The following ANKRD36 variants were observed in gnomAD, a reference collection of about 807,000 sequenced individuals.
ANKRD36 encodes the protein ankyrin repeat domain-containing protein 36A.
In ANKRD36, 179 loss-of-function variants were observed where a neutral mutation model predicts 278.1. The ratio of observed to expected loss-of-function variants is 0.64; its 90% CI spans 0.57 to 0.73. The LOEUF (loss-of-function observed/expected upper bound fraction) is 0.73. ANKRD36 is among the 30% of genes least tolerant of loss of function. The pLI, the probability that ANKRD36 is intolerant of heterozygous loss-of-function variation, is 0.00. For missense variants in ANKRD36, 1,159 were observed against 1,956.7 expected, an observed-to-expected ratio of 0.59 and a Z score of 7.69; for synonymous variants, 320 against 641.1, an observed-to-expected ratio of 0.50 and a Z score of 7.57.
chr2:97,177,027 C>G (rs1266871130), intron 22 of ANKRD36, among the ~76,000 whole-genome samples: 1 of 151,562 alleles, frequency 6.6e-6, no homozygotes, highest in Non-Finnish European at 1.5e-5. Context: ...TTCTTATACA[C>G]CAACAACAGA....
chr2:97,192,790 T>G (rs1229381430), intron 36 of ANKRD36, 68 bp from the exon 37 acceptor site: 2 of 1,535,414 alleles, frequency 1.3e-6, no homozygotes, highest in Non-Finnish European at 1.8e-6. Flanking sequence ...ATACAAACAC[T>G]TCATGAATGT....
intron 58 of ANKRD36, 122 bp downstream of exon 58, chr2:97,211,863 A>T (rs1192894779): frequency 2.4e-6 from 3 of 1,267,760 alleles, no homozygotes; most frequent in African/African-American, 1.5e-5. Flanking sequence ...TCCTGAGATT[A>T]TTCATTTGTA....
At chr2:97,194,799 C>A in intron 39 of ANKRD36, 45 bp downstream of exon 39, 1 of 1,603,130 alleles carries the variant, frequency 6.2e-7, no homozygotes, top group Non-Finnish European at 8.5e-7. Context: ...AACGTATAGC[C>A]TATGAAACAT....
At position 97,122,886 on chromosome 2, in the gene ANKRD36, G is replaced by A. The variant is rs2153413618; in HGVS notation, c.487-1G>A. On this transcript the variant is annotated splice_acceptor_variant, in intron 3 of 75. Transcript: ENST00000420699. LOFTEE classifies it high-confidence loss of function. The stretch of plus-strand genomic sequence containing the variant: ...TATAAATTGTTGCTGTTATTTTACA[G>A]TGTGAATATCAGCCACTGTTATTTG... 6.5e-7 allele frequency: 1 copy of A among 1,537,252 alleles called. No individual in the cohort carries two copies. Among genetic ancestry groups the A allele is most frequent in the East Asian group, 2.5e-5 (1 of 40,456 alleles).
intron 36 of ANKRD36, among the ~76,000 whole-genome samples, chr2:97,192,042 TTAAG>T (rs899633067): frequency 6.6e-6 from 1 of 151,754 alleles, no homozygotes; most frequent in Admixed American, 6.6e-5. Context: ...TGGATTCTAA[TTAAG>T]TCCTAGAGTG....
In ANKRD36 at chr2:97,122,920, C is replaced by T. The variant is rs192445907; in HGVS notation, c.520C>T (p.Arg174Ter). The T allele has an allele frequency of 1.2e-5, 19 of 1,542,318 alleles. 1 individual carries two copies. In the Admixed American group the frequency reaches 2.6e-4, roughly 21 times the overall value. Residue 174 changes from arginine to a stop codon, truncating the protein, a stop_gained, in exon 4 of 76, where the codon CGA (arginine) becomes TGA (stop). Coordinates refer to ENST00000420699, the MANE Select transcript of ANKRD36 (RefSeq NM_001354587.1). LOFTEE classifies it high-confidence loss of function. ...TCAGCCACTGTTATTTGCTGTGAGT[C>T]GAAGAAAAGTGAAAATGGTGGAATT... ...EYQPLLFAVSRRKVKMVEFLL... is the reference protein window; with the variant it reads ...EYQPLLFAVS
intron 27 of ANKRD36, 45 bp downstream of exon 27, chr2:97,183,532 C>T (rs1441273165): frequency 1.3e-6 from 2 of 1,551,630 alleles, no homozygotes; most frequent in Non-Finnish European, 1.7e-6. Context: ...ATTTTATAGC[C>T]TATGAAATAT....
intron 75 of ANKRD36, among the ~76,000 whole-genome samples, chr2:97,260,360 A>ATATATG (rs1485536327): frequency 8.0e-6 from 1 of 125,522 alleles, no homozygotes; most frequent in Non-Finnish European, 1.6e-5. Flanking sequence ...ATATATATAT[A>ATATATG]TATATATATA....
At chr2:97,132,685 G>A (rs2153431671) in intron 6 of ANKRD36, among the ~76,000 whole-genome samples, 1 of 152,140 alleles carries the variant, frequency 6.6e-6, no homozygotes, top group Middle Eastern at 3.4e-3. Context: ...CACTTGGAAG[G>A]ACTCAGCAAA....
intron 68 of ANKRD36, among the ~76,000 whole-genome samples, chr2:97,235,601 C>T (rs1355990785): frequency 2.9e-5 from 4 of 139,818 alleles, no homozygotes. Context: ...AAAAATTCTA[C>T]ATCCGACCTC....
intron 6 of ANKRD36, among the ~76,000 whole-genome samples, chr2:97,135,160 A>C (rs1044319566): frequency 3.3e-5 from 5 of 151,908 alleles, no homozygotes; most frequent in African/African-American, 1.2e-4. Context: ...AGATTTTTTG[A>C]ATTAGAGTGC....
chr2:97,213,272 T>G, intron 58 of ANKRD36, 147 bp from the exon 59 acceptor site: 2 of 278,636 alleles, frequency 7.2e-6, no homozygotes, highest in East Asian at 2.3e-4. Flanking sequence ...TTCTGTCATA[T>G]TCCAGTCCCG....
Position 97,149,281 on chromosome 2 carries a change from T to C in ANKRD36, c.1035-14T>C. On this transcript the variant is annotated splice_polypyrimidine_tract_variant and intron_variant, in intron 11 of 75. Coordinates refer to ENST00000420699, the MANE Select transcript of ANKRD36 (RefSeq NM_001354587.1). ...TGAATGAGCTCATTTTTGTAATATC[T>C]TTTTGCTCTGTAGGAGTCTCTACAG... 1 of 1,531,942 alleles carries C rather than the reference T, an allele frequency of 6.5e-7. No individual in the cohort carries two copies. Among genetic ancestry groups the C allele is most frequent in the Non-Finnish European group, 8.7e-7 (1 of 1,143,368 alleles). 94.9% of individuals were successfully genotyped at this position (1,531,942 alleles called of 1,614,324 possible). A position where few individuals can be genotyped will look rare whatever the true frequency, so the allele number is the denominator to read the frequency against.
intron 54 of ANKRD36, among the ~76,000 whole-genome samples, chr2:97,209,466 A>T (rs1224065256): frequency 1.4e-5 from 2 of 146,276 alleles, no homozygotes; most frequent in Non-Finnish European, 3.0e-5. Flanking sequence ...CAAATCATAT[A>T]ATGTTTGAAA....
At chr2:97,229,739 T>C (rs1314798197) in intron 67 of ANKRD36, among the ~76,000 whole-genome samples, 2 of 152,112 alleles carry the variant, frequency 1.3e-5, no homozygotes, top group Non-Finnish European at 2.9e-5. Context: ...GTCTCGATGG[T>C]CTTTATATTT....
intron 46 of ANKRD36, 138 bp downstream of exon 46, chr2:97,200,663 T>C (rs2061109337): frequency 2.9e-6 from 4 of 1,399,150 alleles, no homozygotes; most frequent in South Asian, 1.4e-5. Context: ...TAACAAGTTC[T>C]TGGGTTATGC....
At chr2:97,121,847 G>T (rs1042189821) in intron 3 of ANKRD36, among the ~76,000 whole-genome samples, 3 of 150,832 alleles carry the variant, frequency 2.0e-5, no homozygotes, top group African/African-American at 4.9e-5. Context: ...ATGTACCAGG[G>T]TCCTAAGATT....
At chr2:97,197,751 C>A (rs190480430) in intron 42 of ANKRD36, among the ~76,000 whole-genome samples, 93 of 152,006 alleles carry the variant, frequency 6.1e-4, no homozygotes, top group African/African-American at 2.2e-3. Flanking sequence ...ATAGGTATGT[C>A]AAAATTGATA....
intron 18 of ANKRD36, among the ~76,000 whole-genome samples, chr2:97,162,690 G>A (rs2049272775): frequency 6.9e-6 from 1 of 145,520 alleles, no homozygotes; most frequent in South Asian, 2.2e-4. Context: ...AAAACGACAG[G>A]AAACCACAGG....
Sources: allele counts gnomAD v4.1 joint callset (sites outside exome capture counted in the v4.1 genomes callset), GRCh38; gene constraint gnomAD v4.1.1; transcripts MANE v1.5; gene names NCBI Gene and HGNC (gene_info 2026-07-23, HGNC 2026-07-21).